DGKI: variants seen among roughly 807,000 people sequenced by gnomAD.
DGKI encodes the protein diacylglycerol kinase iota, also known as DAG kinase iota.
DGKI carries 55 observed loss-of-function variants against 147.5 expected under a neutral mutation model. The observed-to-expected ratio is 0.37, with a 90% CI of 0.30 to 0.47. The LOEUF (loss-of-function observed/expected upper bound fraction) is 0.47. DGKI is among the 20% of genes least tolerant of loss of function. DGKI has a pLI of 1.00. For missense variants in DGKI, 1,007 were observed against 1,323.8 expected, an observed-to-expected ratio of 0.76 and a Z score of 3.71; for synonymous variants, 469 against 477.1, an observed-to-expected ratio of 0.98 and a Z score of 0.22.
At chr7:137,801,964 T>C (rs946368953) in intron 1 of DGKI, among the ~76,000 whole-genome samples, 6 of 152,214 alleles carry the variant, frequency 3.9e-5, no homozygotes, top group African/African-American at 1.4e-4. Context: ...GCAGCACAAT[T>C]GGCAATTGCA....
intron 20 of DGKI, among the ~76,000 whole-genome samples, chr7:137,552,013 T>C (rs183839433): frequency 7.2e-5 from 11 of 152,288 alleles, no homozygotes; most frequent in Non-Finnish European, 1.6e-4. Flanking sequence ...AGGCTAACTA[T>C]GTGCTTCCCT....
intron 28 of DGKI, among the ~76,000 whole-genome samples, chr7:137,440,863 C>T (rs1813472478): frequency 6.6e-6 from 1 of 152,162 alleles, no homozygotes; most frequent in African/African-American, 2.4e-5. Context: ...TATATGACCA[C>T]ACATCTAATC....
chr7:137,387,791 A>T lies in DGKI; in HGVS notation c.*3429T>A, dbSNP rs1811221710. ...ATGTGCCATTTTTATAATTTAAAAA[A>T]ACCCCTAAATATTATTAATAAAATT... On this transcript the variant is annotated 3_prime_UTR_variant, in exon 33 of 33. Transcript: ENST00000614521. 1 of 152,238 alleles carries T rather than the reference A, an allele frequency of 6.6e-6. No homozygotes were observed. The highest frequency in any genetic ancestry group is 2.1e-4 in the South Asian group (1 of 4,836). The allele number at this position is 152,238 out of a possible 1,614,324, so 9.4% of individuals were successfully genotyped here.
At chr7:137,680,990 A>T (rs1051455411) in intron 2 of DGKI, among the ~76,000 whole-genome samples, 1 of 152,186 alleles carries the variant, frequency 6.6e-6, no homozygotes, top group African/African-American at 2.4e-5. Context: ...TCAGGATCCA[A>T]GAAAGGTGGG....
chr7:137,542,657 C>A (rs1187359986), intron 20 of DGKI, among the ~76,000 whole-genome samples: 4 of 152,140 alleles, frequency 2.6e-5, no homozygotes, highest in Non-Finnish European at 5.9e-5. Flanking sequence ...GGGTGACTGA[C>A]TGATCTATAT....
At chr7:137,551,608 G>A (rs543484364) in intron 20 of DGKI, among the ~76,000 whole-genome samples, 164 of 152,254 alleles carry the variant, frequency 1.1e-3, no homozygotes, top group South Asian at 4.8e-3. Context: ...TTCATTTTCC[G>A]TCCCCTTCTC....
chr7:137,767,471 G>GGAAGAGAAGA (rs71177920), intron 1 of DGKI, among the ~76,000 whole-genome samples: 13,452 of 89,474 alleles, frequency 0.15, 1,510 homozygotes, highest in East Asian at 0.19. Flanking sequence ...AGAAGAGAAG[G>GGAAGAGAAGA]GAAGAGAAGA....
At chr7:137,452,332 C>T (rs535004070) in intron 27 of DGKI, among the ~76,000 whole-genome samples, 36 of 152,174 alleles carry the variant, frequency 2.4e-4, no homozygotes, top group Non-Finnish European at 4.1e-4. Flanking sequence ...GTGGGAGACA[C>T]TCATCCAATT....
intron 21 of DGKI, among the ~76,000 whole-genome samples, chr7:137,509,565 T>C (rs1325766501): frequency 1.3e-5 from 2 of 152,054 alleles, no homozygotes; most frequent in Non-Finnish European, 2.9e-5. Context: ...CCTGCTGAGC[T>C]GGAGAGAGCA....
At chr7:137,792,322 A>C (rs1796879974) in intron 1 of DGKI, among the ~76,000 whole-genome samples, 1 of 152,320 alleles carries the variant, frequency 6.6e-6, no homozygotes, top group African/African-American at 2.4e-5. Flanking sequence ...TATATGTATA[A>C]TAGAAATCAA....
chr7:137,627,439 C>T (rs533217040), intron 6 of DGKI, among the ~76,000 whole-genome samples: 1 of 152,160 alleles, frequency 6.6e-6, no homozygotes, highest in South Asian at 2.1e-4. Flanking sequence ...ATTAATTGAA[C>T]AAAAAGTTGC....
intron 27 of DGKI, among the ~76,000 whole-genome samples, chr7:137,444,374 C>CA (rs1563022671): frequency 6.6e-6 from 1 of 151,890 alleles, no homozygotes; most frequent in Non-Finnish European, 1.5e-5. Flanking sequence ...ATTTACCACA[C>CA]AAAAAAAGAG....
intron 29 of DGKI, among the ~76,000 whole-genome samples, chr7:137,409,683 G>A (rs1043397465): frequency 1.3e-5 from 2 of 152,176 alleles, no homozygotes; most frequent in Non-Finnish European, 2.9e-5. Flanking sequence ...TGGGGAGATC[G>A]ACAAAGGATA....
chr7:137,643,290 CAAAAAAAAA>C (rs10541603), intron 6 of DGKI, among the ~76,000 whole-genome samples: 1 of 61,656 alleles, frequency 1.6e-5, no homozygotes, highest in South Asian at 9.9e-4. Context: ...GACTCCGTCT[CAAAAAAAAA>C]AAAAAAAAAA....
chr7:137,411,077 G>A (rs1355735928), intron 29 of DGKI, among the ~76,000 whole-genome samples: 1 of 152,222 alleles, frequency 6.6e-6, no homozygotes, highest in Non-Finnish European at 1.5e-5. Flanking sequence ...TCCAACAGAT[G>A]CGCCTAAAAA....
intron 3 of DGKI, among the ~76,000 whole-genome samples, chr7:137,660,883 G>T (rs768081783): frequency 4.6e-5 from 7 of 150,608 alleles, no homozygotes; most frequent in Non-Finnish European, 7.4e-5. Flanking sequence ...GAGAGGGGAG[G>T]AAAGGAGAAG....
chr7:137,581,954 C>A, intron 14 of DGKI, 26 bp from the exon 15 acceptor site: 1 of 1,596,628 alleles, frequency 6.3e-7, no homozygotes, highest in Middle Eastern at 1.7e-4. Flanking sequence ...AAGACAGAGG[C>A]AAAATTTTGT....
At chr7:137,552,640 G>C (rs1818086982) in intron 19 of DGKI, 72 bp from the exon 20 acceptor site, 1 of 1,510,158 alleles carries the variant, frequency 6.6e-7, no homozygotes. Flanking sequence ...CAGGCGCTGT[G>C]GCTCATGCCT....
intron 1 of DGKI, among the ~76,000 whole-genome samples, chr7:137,730,817 G>A (rs1341791616): frequency 6.6e-6 from 1 of 151,924 alleles, no homozygotes; most frequent in Non-Finnish European, 1.5e-5. Flanking sequence ...GCTGGTTTTG[G>A]GCAAATCACT....
Sources: allele counts gnomAD v4.1 joint callset (sites outside exome capture counted in the v4.1 genomes callset), GRCh38; gene constraint gnomAD v4.1.1; transcripts MANE v1.5; gene names NCBI Gene and HGNC (gene_info 2026-07-23, HGNC 2026-07-21).